The following DLGAP2 variants were observed in gnomAD, a reference collection of about 807,000 sequenced individuals.
DLGAP2 encodes disks large-associated protein 2.
A neutral mutation model predicts 100.3 loss-of-function variants in DLGAP2; 26 were observed. That is an observed-to-expected ratio of 0.26 (90% confidence interval 0.19 to 0.36). The LOEUF is 0.36. Among genes scored for constraint, DLGAP2 ranks in the 10% least tolerant of loss-of-function variants. The pLI is 1.00. For synonymous variants in DLGAP2, 886 were observed against 630.1 expected (o/e 1.41, Z -6.08); for missense variants, 1,858 against 1,453.2 (o/e 1.28, Z -4.53).
At chr8:942,495 C>T (rs550365519) in intron 2 of DLGAP2, among the ~76,000 whole-genome samples, 1 of 152,350 alleles carries the variant, frequency 6.6e-6, no homozygotes, top group South Asian at 2.1e-4. Context: ...TCTCCAGGTC[C>T]AGCATCCCAG....
intron 1 of DLGAP2, among the ~76,000 whole-genome samples, chr8:783,645 C>G (rs1023271764): frequency 3.9e-5 from 6 of 152,154 alleles, no homozygotes; most frequent in Admixed American, 6.5e-5. Context: ...TCCCTACAGT[C>G]TGCTAATCTG....
intron 2 of DLGAP2, among the ~76,000 whole-genome samples, chr8:990,133 C>G (rs548533166): frequency 6.6e-6 from 1 of 152,188 alleles, no homozygotes; most frequent in East Asian, 1.9e-4. Flanking sequence ...TTCTATCAGC[C>G]TGATGATTTG....
chr8:1,094,333 T>A (rs1436327659), intron 2 of DLGAP2, among the ~76,000 whole-genome samples: 1 of 152,186 alleles, frequency 6.6e-6, no homozygotes, highest in African/African-American at 2.4e-5. Context: ...TTCTTTCCAA[T>A]CCACTAACGG....
rs570599813 is a variant in DLGAP2 at position 1,256,087 on chromosome 8, C to T, written c.74-2764C>T. Among the ~76,000 whole-genome samples the T allele has an allele frequency of 2.7e-3, 330 of 123,506 alleles. 5 individuals carry two copies. The highest frequency in any genetic ancestry group is 9.0e-3 in the African/African-American group (285 of 31,602). The allele number at this position is 123,506 out of a possible 152,430, so 81.0% of individuals were successfully genotyped here. A position where few individuals can be genotyped will look rare whatever the true frequency, so the allele number is the denominator to read the frequency against. ...CCTGGGTGCTATGTGTGTGTCTTCT[C>T]CTGCCCGGGCGCTGTGTGTGTGTCC... is the stretch of plus-strand genomic sequence containing the variant. On this transcript the variant is annotated intron_variant, in intron 2 of 14. Coordinates refer to ENST00000637795, the MANE Select transcript of DLGAP2 (RefSeq NM_001346810.2).
intron 8 of DLGAP2, among the ~76,000 whole-genome samples, chr8:1,667,411 G>A (rs1798571984): frequency 6.6e-6 from 1 of 152,152 alleles, no homozygotes; most frequent in African/African-American, 2.4e-5. Context: ...GAGGAGACTG[G>A]CTGGTGACGG....
intron 3 of DLGAP2, among the ~76,000 whole-genome samples, chr8:1,338,894 G>C: frequency 1.3e-5 from 1 of 75,028 alleles, no homozygotes; most frequent in African/African-American, 7.6e-5. Context: ...AGGGAATGCA[G>C]TGACCTCAGT....
intron 8 of DLGAP2, among the ~76,000 whole-genome samples, chr8:1,644,398 G>A (rs895881260): frequency 2.0e-5 from 3 of 152,156 alleles, no homozygotes; most frequent in Admixed American, 6.5e-5. Context: ...GCTCCCACCC[G>A]CTCCCAGCCA....
chr8:1,314,742 G>C (rs1405183445), intron 3 of DLGAP2, among the ~76,000 whole-genome samples: 3 of 152,308 alleles, frequency 2.0e-5, no homozygotes, highest in Admixed American at 2.0e-4. Context: ...GACTTTCGGG[G>C]GTCTCCCTAT....
At chr8:1,331,765 C>G (rs560326456) in intron 3 of DLGAP2, among the ~76,000 whole-genome samples, 2 of 152,166 alleles carry the variant, frequency 1.3e-5, no homozygotes, top group African/African-American at 4.8e-5. Flanking sequence ...CTGGGCACAC[C>G]TTCTCTCATA....
chr8:1,076,087 C>T (rs1803598862), intron 2 of DLGAP2, among the ~76,000 whole-genome samples: 1 of 152,108 alleles, frequency 6.6e-6, no homozygotes, highest in Non-Finnish European at 1.5e-5. Context: ...GATTTTTTCA[C>T]AACAACGTTA....
At chr8:1,272,400 TG>T (rs898037647) in intron 3 of DLGAP2, among the ~76,000 whole-genome samples, 1 of 152,026 alleles carries the variant, frequency 6.6e-6, no homozygotes, top group Non-Finnish European at 1.5e-5. Context: ...TATATATAGA[TG>T]TTTTATATAT....
Position 1,429,552 on chromosome 8 carries a change from C to G in DLGAP2, c.107-71814C>G, listed in dbSNP as rs533042797. ...TGACTTAGGGACATGGAACACTGCCCTTTTGTGAAACATTCTTACAATAAC... is the reference window on the plus strand; with the variant it reads ...TGACTTAGGGACATGGAACACTGCCGTTTTGTGAAACATTCTTACAATAAC... On this transcript the variant is annotated intron_variant, in intron 3 of 14. Coordinates refer to ENST00000637795, the MANE Select transcript of DLGAP2 (RefSeq NM_001346810.2). 7.9e-5 allele frequency among the ~76,000 whole-genome samples: 12 copies of G among 152,234 alleles called. No homozygotes were observed. In the East Asian group the frequency reaches 2.1e-3, roughly 27 times the overall value.
intron 2 of DLGAP2, among the ~76,000 whole-genome samples, chr8:1,169,410 TC>T (rs1301740695): frequency 1.3e-5 from 2 of 152,196 alleles, no homozygotes; most frequent in Non-Finnish European, 1.5e-5. Context: ...TTTTTCCAAT[TC>T]TGTGAAGAAA....
intron 2 of DLGAP2, among the ~76,000 whole-genome samples, chr8:1,117,394 G>C (rs999627450): frequency 6.6e-6 from 1 of 152,336 alleles, no homozygotes; most frequent in Admixed American, 6.5e-5. Context: ...CCAAAGGTTA[G>C]AAATGTGTAG....
At chr8:1,489,214 G>C (rs531351063) in intron 3 of DLGAP2, among the ~76,000 whole-genome samples, 2 of 152,216 alleles carry the variant, frequency 1.3e-5, no homozygotes, top group African/African-American at 4.8e-5. Flanking sequence ...TGCGACTAGT[G>C]TGCTTCTGAT....
intron 2 of DLGAP2, among the ~76,000 whole-genome samples, chr8:1,063,778 T>C (rs1403766984): frequency 6.6e-6 from 1 of 152,188 alleles, no homozygotes; most frequent in Non-Finnish European, 1.5e-5. Context: ...TAGGTGGGTA[T>C]CGACTATTTC....
At chr8:1,110,454 G>T (rs991985297) in intron 2 of DLGAP2, among the ~76,000 whole-genome samples, 1 of 151,406 alleles carries the variant, frequency 6.6e-6, no homozygotes, top group East Asian at 2.0e-4. Flanking sequence ...TGCTGGGTCT[G>T]TGGGGTGTGC....
At chr8:1,697,006 C>A in intron 13 of DLGAP2, 141 bp from the exon 14 acceptor site, 1 of 899,880 alleles carries the variant, frequency 1.1e-6, no homozygotes, top group South Asian at 2.7e-5. Context: ...ATGGCCTTCC[C>A]AAGTATCTGC....
chr8:1,566,301 A>C (rs1235058539), intron 6 of DLGAP2, among the ~76,000 whole-genome samples: 1 of 152,188 alleles, frequency 6.6e-6, no homozygotes, highest in Non-Finnish European at 1.5e-5. Flanking sequence ...TTGTAAGTGC[A>C]TTTCTAGGCA....
Sources: allele counts gnomAD v4.1 joint callset (sites outside exome capture counted in the v4.1 genomes callset), GRCh38; gene constraint gnomAD v4.1.1; transcripts MANE v1.5; gene names NCBI Gene and HGNC (gene_info 2026-07-23, HGNC 2026-07-21).